DNAJC6: variants seen among roughly 807,000 people sequenced by gnomAD.
DNAJC6 encodes auxilin.
A neutral mutation model predicts 110.0 loss-of-function variants in DNAJC6; 34 were observed. That is an observed-to-expected ratio of 0.31 (90% CI 0.24 to 0.41). The LOEUF (loss-of-function observed/expected upper bound fraction) is 0.41, where lower values mean the gene tolerates loss of function less well. Among genes scored for constraint, DNAJC6 ranks in the 10% least tolerant of loss-of-function variants. The pLI, the probability that DNAJC6 is intolerant of heterozygous loss-of-function variation, is 1.00. For missense variants in DNAJC6, 1,031 were observed against 1,207.8 expected (o/e 0.85, Z 2.17); for synonymous variants, 406 against 437.2 (o/e 0.93, Z 0.89).
intron 16 of DNAJC6, 21 bp downstream of exon 16, chr1:65,406,154 C>T (rs1646074719): frequency 1.2e-6 from 2 of 1,602,176 alleles, no homozygotes; most frequent in Admixed American, 3.4e-5. Flanking sequence ...TGGTATGGGA[C>T]CTAGCTATGG....
chr1:65,410,567 TC>T (rs1646119182), intron 17 of DNAJC6, among the ~76,000 whole-genome samples: 1 of 152,224 alleles, frequency 6.6e-6, no homozygotes, highest in Admixed American at 6.5e-5. Context: ...ACTAAACCAT[TC>T]ATCCAGCAAC....
At chr1:65,380,904 G>GT (rs1557551972) in intron 5 of DNAJC6, among the ~76,000 whole-genome samples, 8 of 107,044 alleles carry the variant, frequency 7.5e-5, no homozygotes, top group African/African-American at 2.8e-4. Context: ...TTTTTTTTTT[G>GT]TTTTTTGTTT....
chr1:65,385,988 C>A, intron 7 of DNAJC6, 82 bp downstream of exon 7: 1 of 1,301,980 alleles, frequency 7.7e-7, no homozygotes, highest in Non-Finnish European at 1.0e-6. Flanking sequence ...TCATATTCTT[C>A]CTGCAAGACT....
In DNAJC6 at chr1:65,392,818, G is replaced by T. The variant is rs139509177; in HGVS notation, c.1856G>T (p.Arg619Leu). The part of the protein sequence containing the change: ...GPASTQSTPR[R>L]SATSTSASPT... ...GCGTCTACCCAGTCAACACCACGCC[G>T]CTCTGCCACCTCCACCTCTGCGTCT... Residue 619 changes from arginine (R) to leucine (L), a missense_variant, in exon 12 of 19, where the codon CGC (arginine) becomes CTC (leucine). By Grantham distance (102) the Arg-to-Leu change is moderately radical. Transcript: ENST00000371069. 11 of 1,562,828 alleles carry T rather than the reference G, an allele frequency of 7.0e-6. No individual in the cohort carries two copies. The South Asian group carries it at 8.6e-5, about 12-fold the overall frequency.
At chr1:65,340,946 G>T (rs568863638) in intron 1 of DNAJC6, among the ~76,000 whole-genome samples, 2 of 152,258 alleles carry the variant, frequency 1.3e-5, no homozygotes, top group South Asian at 2.1e-4. Context: ...GGCACCCCAG[G>T]CTATTCTGAT....
intron 1 of DNAJC6, among the ~76,000 whole-genome samples, chr1:65,336,952 T>TTGGTTTTAAA (rs1353794613): frequency 6.6e-6 from 1 of 152,112 alleles, no homozygotes; most frequent in African/African-American, 2.4e-5. Context: ...TTGAAGTTGC[T>TTGGTTTTAAA]TGGTTTTAAA....
Position 65,394,983 on chromosome 1 carries a change from C to T in DNAJC6, c.1989C>T (p.Ser663=). The change falls in exon 13 of 19, where the codon TCC becomes TCT. Residue 663 remains serine, a synonymous_variant. Transcript: ENST00000371069. The part of the protein sequence containing the change: ...LGSFLNTSSA[S]SDPFLQPTRS... Reference sequence around the variant, plus strand: ...CTTTTCTGAACACATCCAGTGCTTCCAGTGACCCCTTTCTCCAGCCAACAA... The same window carrying T: ...CTTTTCTGAACACATCCAGTGCTTCTAGTGACCCCTTTCTCCAGCCAACAA... The T allele has an allele frequency of 6.2e-7, 1 of 1,612,396 alleles. No individual in the cohort carries two copies. The highest frequency in any genetic ancestry group is 8.5e-7 in the Non-Finnish European group (1 of 1,179,488).
At chr1:65,358,178 C>CAAAAAAAAAAAAAAAAAAAAAAAAAAAA (rs11285114) in intron 1 of DNAJC6, among the ~76,000 whole-genome samples, 1 of 80,036 alleles carries the variant, frequency 1.2e-5, no homozygotes, top group African/African-American at 4.6e-5. Flanking sequence ...GACTCAGTCT[C>CAAAAAAAAAAAAAAAAAAAAAAAAAAAA]AAAAAAAAAA....
intron 1 of DNAJC6, among the ~76,000 whole-genome samples, chr1:65,359,552 C>T (rs1357105590): frequency 2.6e-5 from 4 of 152,184 alleles, no homozygotes; most frequent in Non-Finnish European, 5.9e-5. Flanking sequence ...CTCTGATGTC[C>T]TCACCTTCAC....
At chr1:65,401,637 A>T in intron 14 of DNAJC6, 124 bp from the exon 15 acceptor site, 1 of 1,350,280 alleles carries the variant, frequency 7.4e-7, no homozygotes, top group Non-Finnish European at 9.9e-7. Flanking sequence ...GCAACTTCTT[A>T]GACATTTTCA....
In DNAJC6 at chr1:65,411,254, T is replaced by C; in HGVS notation, c.2639T>C (p.Leu880Pro). The C allele has an allele frequency of 6.2e-7, 1 of 1,612,534 alleles. No homozygotes were observed. Among genetic ancestry groups the C allele is most frequent in the South Asian group, 1.1e-5 (1 of 90,952 alleles). Residue 880 changes from leucine to proline, a missense_variant, in exon 18 of 19, where the codon CTG (leucine) becomes CCG (proline). By Grantham distance (98) the Leu-to-Pro change is moderately conservative. Transcript: ENST00000371069. ...TAATCCCCTTTGTGTTTACAGATTC[T>C]GGAATGGATTGAAGGCAAAGAAAGA... ...KEMDPEKLKILEWIEGKERNI... is the reference protein window; with the variant it reads ...KEMDPEKLKIPEWIEGKERNI...
intron 12 of DNAJC6, 117 bp from the exon 13 acceptor site, chr1:65,394,781 C>T: frequency 7.9e-6 from 10 of 1,258,032 alleles, no homozygotes; most frequent in African/African-American, 3.1e-5. Flanking sequence ...ACTCCTTTGT[C>T]CACAAAGATA....
intron 1 of DNAJC6, among the ~76,000 whole-genome samples, chr1:65,348,959 T>TATATATAAATATATATGTAA (rs1194138868): frequency 2.1e-5 from 3 of 145,524 alleles, no homozygotes; most frequent in Non-Finnish European, 3.0e-5. Context: ...TATATATAAA[T>TATATATAAATATATATGTAA]ATATATAAAT....
intron 1 of DNAJC6, among the ~76,000 whole-genome samples, chr1:65,282,826 T>C (rs1433562032): frequency 6.6e-6 from 1 of 152,216 alleles, no homozygotes; most frequent in East Asian, 1.9e-4. Flanking sequence ...TCAGAGTCCC[T>C]ATCCAAATTA....
At chr1:65,266,868 C>T (rs539809317) in intron 1 of DNAJC6, among the ~76,000 whole-genome samples, 3 of 151,842 alleles carry the variant, frequency 2.0e-5, no homozygotes, top group Non-Finnish European at 4.4e-5. Flanking sequence ...AGATCCCCAG[C>T]CTTTTTCTAA....
intron 1 of DNAJC6, among the ~76,000 whole-genome samples, chr1:65,361,257 A>AGTG (rs1645594967): frequency 6.6e-6 from 1 of 152,218 alleles, no homozygotes; most frequent in African/African-American, 2.4e-5. Context: ...GAGCTCAGTT[A>AGTG]GTGGTAGAGA....
At chr1:65,299,328 T>G (rs1644955763) in intron 1 of DNAJC6, among the ~76,000 whole-genome samples, 1 of 152,228 alleles carries the variant, frequency 6.6e-6, no homozygotes, top group South Asian at 2.1e-4. Flanking sequence ...GCTTAAAATA[T>G]TCTAGACTGT....
At chr1:65,393,831 G>T (rs746189180) in intron 12 of DNAJC6, among the ~76,000 whole-genome samples, 1 of 151,964 alleles carries the variant, frequency 6.6e-6, no homozygotes, top group African/African-American at 2.4e-5. Flanking sequence ...TTCCCCAAGC[G>T]TATCCTTCCC....
At chr1:65,317,761 G>A (rs1645161310) in intron 1 of DNAJC6, among the ~76,000 whole-genome samples, 1 of 152,146 alleles carries the variant, frequency 6.6e-6, no homozygotes, top group Non-Finnish European at 1.5e-5. Context: ...ATTAGAATTG[G>A]AGATATTTGA....
Sources: allele counts gnomAD v4.1 joint callset (sites outside exome capture counted in the v4.1 genomes callset), GRCh38; gene constraint gnomAD v4.1.1; transcripts MANE v1.5; gene names NCBI Gene and HGNC (gene_info 2026-07-23, HGNC 2026-07-21).